LGALS9C: variants seen among roughly 807,000 people sequenced by gnomAD.
The protein encoded by LGALS9C is galectin 9C, also known as galectin-9C.
Under a neutral mutation model 41.3 loss-of-function variants are expected in LGALS9C, and 7 were observed. That is an observed-to-expected ratio of 0.17 (90% CI 0.10 to 0.32). The LOEUF is 0.32. Ranked by LOEUF, LGALS9C falls within the 10% of genes least tolerant of loss-of-function variation. LGALS9C has a pLI of 1.00. For missense variants in LGALS9C, 102 were observed against 455.2 expected (o/e 0.22, Z 7.06); for synonymous variants, 44 against 171.0 (o/e 0.26, Z 5.80).
intron 1 of LGALS9C, among the ~76,000 whole-genome samples, chr17:18,480,292 T>C (rs1989346279): frequency 8.0e-6 from 1 of 125,262 alleles, no homozygotes; most frequent in East Asian, 1.9e-4. Context: ...ATCTCTTACC[T>C]CTGACTTTGA....
chr17:18,484,830 C>T (rs1350627360), intron 2 of LGALS9C, among the ~76,000 whole-genome samples: 2 of 150,422 alleles, frequency 1.3e-5, no homozygotes, highest in African/African-American at 2.4e-5. Flanking sequence ...TGTCGGACTT[C>T]TCTGAGAGCC....
intron 3 of LGALS9C, among the ~76,000 whole-genome samples, chr17:18,487,375 C>G (rs1989629617): frequency 2.0e-5 from 1 of 49,266 alleles, no homozygotes; most frequent in African/African-American, 5.9e-5. Flanking sequence ...AGCATGGGCT[C>G]TTTCTGGAAC....
intron 4 of LGALS9C, 117 bp downstream of exon 4, chr17:18,487,874 C>G (rs1989659693): frequency 7.8e-7 from 1 of 1,284,490 alleles, no homozygotes; most frequent in East Asian, 2.5e-5. Context: ...ACTCTGGGGA[C>G]AACCTCTGCT....
At chr17:18,478,183 G>A (rs1386375221) in intron 1 of LGALS9C, among the ~76,000 whole-genome samples, 1 of 129,780 alleles carries the variant, frequency 7.7e-6, no homozygotes, top group African/African-American at 2.5e-5. Flanking sequence ...TAGGGTCAGC[G>A]TGTGCCACCT....
At chr17:18,484,674 T>G (rs1171610423) in intron 2 of LGALS9C, among the ~76,000 whole-genome samples, 2 of 150,456 alleles carry the variant, frequency 1.3e-5, no homozygotes, top group South Asian at 4.3e-4. Flanking sequence ...CAGAAGAGCC[T>G]CTGGACTCAT....
intron 2 of LGALS9C, chr17:18,485,663 T>A: frequency 3.5e-6 from 1 of 281,738 alleles, no homozygotes; most frequent in South Asian, 2.5e-5. Flanking sequence ...CCAGGACCTA[T>A]GCTTCTTGTT....
chr17:18,487,745 C>T lies in LGALS9C; in HGVS notation c.432C>T (p.Tyr144=), dbSNP rs776728158. 1.3e-6 allele frequency: 2 copies of T among 1,549,736 alleles called. No homozygotes were observed. The highest frequency in any genetic ancestry group is 1.8e-6 in the Non-Finnish European group (2 of 1,134,672). Residue 144 remains tyrosine, a synonymous_variant, in exon 4 of 11, where the codon TAC becomes TAT. Transcript: ENST00000328114. ...ISVNGSVQLS[Y]ISFQNPRAVP... ...TCAATGGCTCTGTGCAGCTGTCCTA[C>T]ATCAGCTTCCAGGTCAGACTGTCCA... is the stretch of plus-strand genomic sequence containing the variant.
chr17:18,487,775 G>C lies in LGALS9C; in HGVS notation c.444+18G>C. Reference sequence around the variant, plus strand: ...GCTTCCAGGTCAGACTGTCCACCTGGCACCGGTCCCAGGGGCTGGGATGCA... The same window carrying C: ...GCTTCCAGGTCAGACTGTCCACCTGCCACCGGTCCCAGGGGCTGGGATGCA... On this transcript the variant is annotated intron_variant, in intron 4 of 10. Coordinates refer to ENST00000328114, the MANE Select transcript of LGALS9C (RefSeq NM_001040078.3). 1 of 1,577,504 alleles carries C rather than the reference G, an allele frequency of 6.3e-7. No homozygotes were observed. The highest frequency in any genetic ancestry group is 8.7e-7 in the Non-Finnish European group (1 of 1,151,690).
At chr17:18,479,441 G>T (rs1989318984) in intron 1 of LGALS9C, among the ~76,000 whole-genome samples, 1 of 129,562 alleles carries the variant, frequency 7.7e-6, no homozygotes, top group Non-Finnish European at 1.9e-5. Flanking sequence ...CCAGAATGCT[G>T]CCAGCCAGGG....
At chr17:18,484,827 C>T (rs1384416253) in intron 2 of LGALS9C, among the ~76,000 whole-genome samples, 10 of 150,634 alleles carry the variant, frequency 6.6e-5, no homozygotes, top group African/African-American at 2.4e-4. Context: ...TGCTGTCGGA[C>T]TTCTCTGAGA....
Position 18,485,864 on chromosome 17 carries a change from G to A in LGALS9C, c.132-70G>A, listed in dbSNP as rs1385971056. On this transcript the variant is annotated intron_variant, in intron 2 of 10. Transcript: ENST00000328114. ...CAGACAAACACAGGGCAGAGGCACC[G>A]AGGCCCTCCTGTGCCTGTCACTGGC... 1.2e-5 allele frequency: 10 copies of A among 802,730 alleles called. 2 individuals carry two copies. The highest frequency in any genetic ancestry group is 7.6e-5 in the South Asian group (5 of 66,100). 49.7% of individuals were successfully genotyped at this position (802,730 alleles called of 1,614,324 possible). A position where few individuals can be genotyped will look rare whatever the true frequency, so the allele number is the denominator to read the frequency against.
At chr17:18,483,217 G>A (rs1323431464) in intron 1 of LGALS9C, among the ~76,000 whole-genome samples, 2 of 134,050 alleles carry the variant, frequency 1.5e-5, no homozygotes, top group African/African-American at 5.0e-5. Context: ...ACGGGGCCTG[G>A]GATGGGTGGG....
rs1485914955 is a variant in LGALS9C, at chr17:18,494,558, G to A, written c.*191G>A. 3 of 1,015,530 alleles carry A rather than the reference G, an allele frequency of 3.0e-6. No individual in the cohort carries two copies. The highest frequency in any genetic ancestry group is 4.3e-6 in the Non-Finnish European group (3 of 701,496). 62.9% of individuals were successfully genotyped at this position (1,015,530 alleles called of 1,614,324 possible). A position where few individuals can be genotyped will look rare whatever the true frequency, so the allele number is the denominator to read the frequency against. ...ATCGAGAAGGCAGCTGACTGGGATT[G>A]CCTTCCTCAGCCGCAGCAGCACCTG... On this transcript the variant is annotated 3_prime_UTR_variant, in exon 11 of 11. Coordinates refer to ENST00000328114, the MANE Select transcript of LGALS9C (RefSeq NM_001040078.3).
At chr17:18,493,034 C>A (rs2151674091) in intron 10 of LGALS9C, among the ~76,000 whole-genome samples, 175 bp downstream of exon 10, 1 of 129,464 alleles carries the variant, frequency 7.7e-6, no homozygotes, top group East Asian at 2.0e-4. Context: ...TACTGTCCTG[C>A]ATGAAGGAAG....
chr17:18,483,971 G>T lies in LGALS9C; in HGVS notation c.131+5G>T. ...TCTCAGCTGCAGTGGAACCAGGTGT[G>T]TGTATATGGATGGAAACGTTTCACT... On this transcript the variant is annotated splice_donor_5th_base_variant and intron_variant, in intron 2 of 10. Transcript: ENST00000328114. 7.3e-7 allele frequency: 1 copy of T among 1,366,804 alleles called. No individual in the cohort carries two copies. 84.7% of individuals were successfully genotyped at this position (1,366,804 alleles called of 1,614,324 possible).
At chr17:18,485,119 C>CAAAA (rs1989545876) in intron 2 of LGALS9C, among the ~76,000 whole-genome samples, 1 of 128,504 alleles carries the variant, frequency 7.8e-6, no homozygotes. Context: ...CTGAAGGTCT[C>CAAAA]CAAAGGAAAA....
chr17:18,485,354 AAT>A (rs1384726021), intron 2 of LGALS9C, among the ~76,000 whole-genome samples: 1 of 102,468 alleles, frequency 9.8e-6, no homozygotes, highest in African/African-American at 3.4e-5. Flanking sequence ...TAGCTAATTA[AAT>A]ATATATATAT....
intron 5 of LGALS9C, chr17:18,489,521 T>C: frequency 1.1e-5 from 1 of 93,302 alleles, no homozygotes; most frequent in Non-Finnish European, 2.5e-5. Context: ...CCCACGAAGC[T>C]CATGCAACCT....
chr17:18,489,098 GAGGCTGGCCCCAGCCAGC>G (rs1456890597), intron 5 of LGALS9C, 62 bp downstream of exon 5: 1 of 1,273,950 alleles, frequency 7.8e-7, no homozygotes, highest in Non-Finnish European at 1.1e-6. Flanking sequence ...GAGGGTTTGA[GAGGCTGGCCCCAGCCAGC>G]AGGCCACCAG....
Sources: allele counts gnomAD v4.1 joint callset (sites outside exome capture counted in the v4.1 genomes callset), GRCh38; gene constraint gnomAD v4.1.1; transcripts MANE v1.5; gene names NCBI Gene and HGNC (gene_info 2026-07-23, HGNC 2026-07-21).